GCNT1: variants seen among roughly 807,000 people sequenced by gnomAD.
GCNT1 encodes glucosaminyl (N-acetyl) transferase 1, also known as beta-1,3-galactosyl-O-glycosyl-glycoprotein beta-1,6-N-acetylglucosaminyltransferase.
Under a neutral mutation model 26.2 loss-of-function variants are expected in GCNT1, and 16 were observed. The ratio of observed to expected loss-of-function variants is 0.61; its 90% CI spans 0.41 to 0.93. GCNT1 has a LOEUF of 0.93. Ranked by LOEUF, GCNT1 falls within the 40% of genes least tolerant of loss-of-function variation. The pLI, the probability that GCNT1 is intolerant of heterozygous loss-of-function variation, is 0.00. For synonymous variants in GCNT1, 183 were observed against 190.8 expected, an observed-to-expected ratio of 0.96 and a Z score of 0.34; for missense variants, 477 against 526.7, an observed-to-expected ratio of 0.91 and a Z score of 0.92.
intron 2 of GCNT1, among the ~76,000 whole-genome samples, chr9:76,463,403 G>A (rs1433710858): frequency 4.6e-5 from 7 of 152,196 alleles, no homozygotes; most frequent in Non-Finnish European, 8.8e-5. Context: ...TAAGAGTAAG[G>A]TTGTGGTCAC....
upstream of GCNT1, among the ~76,000 whole-genome samples, chr9:76,436,745 C>G (rs1027335861): frequency 6.6e-6 from 1 of 152,052 alleles, no homozygotes; most frequent in Admixed American, 6.6e-5. Flanking sequence ...ATAGGAGCAA[C>G]CTAACCTAAT....
Position 76,503,521 on chromosome 9 carries a change from G to A in GCNT1, c.1140G>A (p.Val380=). The change falls in exon 4 of 4, where the codon GTG becomes GTA. Residue 380 remains valine (V), a synonymous_variant. Transcript: ENST00000376730. The part of the protein sequence containing the change: ...PPCDGVHVRS[V]CIFGAGDLNW... ...GCGATGGAGTCCATGTGCGCTCAGTGTGCATTTTCGGAGCTGGTGACTTGA... is the reference window on the plus strand; with the variant it reads ...GCGATGGAGTCCATGTGCGCTCAGTATGCATTTTCGGAGCTGGTGACTTGA... 6.2e-7 allele frequency: 1 copy of A among 1,614,226 alleles called. No homozygotes were observed. Among genetic ancestry groups the A allele is most frequent in the Non-Finnish European group, 8.5e-7 (1 of 1,180,036 alleles).
Position 76,502,484 on chromosome 9 carries a change from C to A in GCNT1, c.103C>A (p.His35Asn). 4.3e-6 allele frequency: 7 copies of A among 1,613,394 alleles called. No individual in the cohort carries two copies. The highest frequency in any genetic ancestry group is 1.1e-5 in the South Asian group (1 of 91,064). Residue 35 changes from histidine (H) to asparagine (N), a missense_variant, in exon 4 of 4, where the codon CAT becomes AAT. Coordinates refer to ENST00000376730, the MANE Select transcript of GCNT1 (RefSeq NM_001490.5). The stretch of plus-strand genomic sequence containing the variant: ...AATCACCTTCTCCGTTTTAAGGATT[C>A]ATCAAAAGCCTGAATTTGTAAGTGT... ...SLITFSVLRI[H>N]QKPEFVSVRH... is the part of the protein sequence containing the mutation.
intron 2 of GCNT1, among the ~76,000 whole-genome samples, chr9:76,461,627 C>T (rs1042452325): frequency 1.3e-5 from 2 of 150,892 alleles, no homozygotes; most frequent in African/African-American, 4.9e-5. Flanking sequence ...GTGGCTCACA[C>T]CTGTAATCCC....
At chr9:76,484,804 T>TC (rs1314483787) in intron 2 of GCNT1, among the ~76,000 whole-genome samples, 1 of 150,362 alleles carries the variant, frequency 6.7e-6, no homozygotes, top group African/African-American at 2.5e-5. Context: ...TTTTTTTTTT[T>TC]CTGAGATGGA....
the GCNT1 span, chr9:76,398,759 G>A: frequency 3.5e-5 from 44 of 1,252,002 alleles, no homozygotes; most frequent in Non-Finnish European, 2.3e-6. Flanking sequence ...GTTCCTTGCA[G>A]CAGGAACCCA....
intron 2 of GCNT1, among the ~76,000 whole-genome samples, chr9:76,461,130 G>A (rs1218942658): frequency 6.6e-6 from 1 of 151,618 alleles, no homozygotes; most frequent in Non-Finnish European, 1.5e-5. Context: ...AGGCTGGGTG[G>A]ATATTGGCCA....
the GCNT1 span, chr9:76,394,422 T>A: frequency 2.5e-6 from 1 of 405,970 alleles, no homozygotes; most frequent in Non-Finnish European, 4.4e-6. Flanking sequence ...ACAGCCGAAG[T>A]AAGTGCCGGG....
Position 76,428,255 on chromosome 9 carries a change from G to C in GCNT1, n.38+8368G>C, listed in dbSNP as rs1229196142. 1.0e-4 allele frequency among the ~76,000 whole-genome samples: 4 copies of C among 38,760 alleles called. No individual in the cohort carries two copies. The East Asian group carries it at 1.8e-3, about 18-fold the overall frequency. 25.4% of individuals were successfully genotyped at this position (38,760 alleles called of 152,430 possible). On this transcript the variant is annotated intron_variant and non_coding_transcript_variant, in intron 1 of 3. Transcript: ENST00000488136. ...CACTCCGGCCTGGGTAAAAGAGCAA[G>C]ACTCCGTCTCAAAAAAAAAAAAAAA...
At chr9:76,473,041 G>A (rs1428531604) in intron 2 of GCNT1, among the ~76,000 whole-genome samples, 1 of 152,018 alleles carries the variant, frequency 6.6e-6, no homozygotes, top group Non-Finnish European at 1.5e-5. Context: ...GAGCCACTGT[G>A]CCCTGCGACA....
chr9:76,463,204 C>A (rs79076656), intron 2 of GCNT1, among the ~76,000 whole-genome samples: 5 of 152,190 alleles, frequency 3.3e-5, no homozygotes, highest in Non-Finnish European at 7.3e-5. Flanking sequence ...TAGCTATCCA[C>A]TGTTCCCTTC....
intron 2 of GCNT1, among the ~76,000 whole-genome samples, chr9:76,474,415 CA>C (rs1564236829): frequency 6.6e-6 from 1 of 152,016 alleles, no homozygotes; most frequent in Non-Finnish European, 1.5e-5. Context: ...AAAGCAAAAA[CA>C]AAGCTATGAA....
chr9:76,449,689 T>C lies in GCNT1; in HGVS notation c.-290+7374T>C, dbSNP rs529779669. On this transcript the variant is annotated intron_variant, in intron 1 of 2. Coordinates refer to the GCNT1 transcript ENST00000442371. ...ACTTTATCATCCTCTGTTAAAATGC[T>C]GTATAAGCTCCTGGGTCTAAGCACC... Among the ~76,000 whole-genome samples the C allele has an allele frequency of 4.6e-4, 70 of 152,364 alleles. No individual in the cohort carries two copies. The South Asian group carries it at 5.0e-3, about 11-fold the overall frequency.
chr9:76,428,302 A>AAAAAAAAAG (rs1222053703), intron 1 of GCNT1, among the ~76,000 whole-genome samples: 8 of 149,328 alleles, frequency 5.4e-5, no homozygotes, highest in Non-Finnish European at 8.9e-5. Context: ...TAAAAAAAAA[A>AAAAAAAAAG]AGAGAGAGAG....
At chr9:76,445,062 G>A (rs928702508) in intron 1 of GCNT1, among the ~76,000 whole-genome samples, 2 of 152,218 alleles carry the variant, frequency 1.3e-5, no homozygotes, top group African/African-American at 2.4e-5. Flanking sequence ...GCTATAAGTA[G>A]AGAATTAGGG....
chr9:76,423,969 A>G (rs566567383), intron 1 of GCNT1, among the ~76,000 whole-genome samples: 1 of 152,226 alleles, frequency 6.6e-6, no homozygotes, highest in Non-Finnish European at 1.5e-5. Context: ...ATTTGTTGAC[A>G]TATTACTTTC....
chr9:76,437,408 G>A (rs1823424080), upstream of GCNT1, among the ~76,000 whole-genome samples: 1 of 152,158 alleles, frequency 6.6e-6, no homozygotes, highest in Non-Finnish European at 1.5e-5. Context: ...TATCCTTACT[G>A]CTACGCTCCC....
At chr9:76,478,202 G>A (rs1247102110) in intron 2 of GCNT1, among the ~76,000 whole-genome samples, 1 of 152,150 alleles carries the variant, frequency 6.6e-6, no homozygotes, top group Admixed American at 6.6e-5. Flanking sequence ...TGGAAACTTG[G>A]TTCTTTTGCT....
At chr9:76,445,587 T>G (rs1314090870) in intron 1 of GCNT1, among the ~76,000 whole-genome samples, 1 of 150,792 alleles carries the variant, frequency 6.6e-6, no homozygotes, top group African/African-American at 2.5e-5. Context: ...GAGATGGGGT[T>G]TCAACATGTT....
Sources: allele counts gnomAD v4.1 joint callset (sites outside exome capture counted in the v4.1 genomes callset), GRCh38; gene constraint gnomAD v4.1.1; transcripts MANE v1.5; gene names NCBI Gene and HGNC (gene_info 2026-07-23, HGNC 2026-07-21).